The following CCSER1 variants were observed in gnomAD, a reference collection of about 807,000 sequenced individuals.
CCSER1 encodes serine-rich coiled-coil domain-containing protein 1.
CCSER1 carries 41 observed loss-of-function variants against 82.0 expected under a neutral mutation model. The ratio of observed to expected loss-of-function variants is 0.50; its 90% confidence interval spans 0.39 to 0.65. The LOEUF (loss-of-function observed/expected upper bound fraction) is 0.65, where lower values mean the gene tolerates loss of function less well. Among genes scored for constraint, CCSER1 ranks in the 30% least tolerant of loss-of-function variants. CCSER1 has a pLI of 0.00. For synonymous variants in CCSER1, 414 were observed against 383.9 expected (o/e 1.08, Z -0.92); for missense variants, 1,119 against 1,064.2 (o/e 1.05, Z -0.72).
At chr4:91,027,092 T>C (rs1361352683) in intron 9 of CCSER1, among the ~76,000 whole-genome samples, 1 of 152,070 alleles carries the variant, frequency 6.6e-6, no homozygotes, top group Admixed American at 6.6e-5. Context: ...TAACTACCCA[T>C]GTAGAACTGG....
chr4:90,370,990 A>C (rs1747297596), intron 3 of CCSER1, among the ~76,000 whole-genome samples: 1 of 152,060 alleles, frequency 6.6e-6, no homozygotes, highest in African/African-American at 2.4e-5. Flanking sequence ...AATGCAGCTC[A>C]TAAGGCTACA....
At chr4:91,438,202 C>A (rs968023739) in intron 10 of CCSER1, among the ~76,000 whole-genome samples, 1 of 152,188 alleles carries the variant, frequency 6.6e-6, no homozygotes, top group Non-Finnish European at 1.5e-5. Flanking sequence ...TGACCCCTGA[C>A]CCCTGAGCAG....
At chr4:90,956,004 G>A (rs1207126450) in intron 9 of CCSER1, among the ~76,000 whole-genome samples, 4 of 152,048 alleles carry the variant, frequency 2.6e-5, no homozygotes, top group East Asian at 3.9e-4. Flanking sequence ...ATATATCAAT[G>A]CATTTGTTTA....
intron 6 of CCSER1, among the ~76,000 whole-genome samples, chr4:90,640,904 C>T (rs1421593786): frequency 2.0e-5 from 3 of 152,100 alleles, no homozygotes; most frequent in Non-Finnish European, 4.4e-5. Context: ...CAGTCCTGGG[C>T]AGTTCTTTAT....
At chr4:90,266,592 T>G (rs1404065322) in intron 1 of CCSER1, among the ~76,000 whole-genome samples, 1 of 152,040 alleles carries the variant, frequency 6.6e-6, no homozygotes, top group East Asian at 1.9e-4. Flanking sequence ...AGTCTTGAAT[T>G]GCTGATGCCA....
chr4:90,669,584 G>T (rs1732421891), intron 6 of CCSER1, among the ~76,000 whole-genome samples: 2 of 152,022 alleles, frequency 1.3e-5, no homozygotes, highest in Non-Finnish European at 2.9e-5. Flanking sequence ...GTTATAACTT[G>T]GTAGAGGAAG....
intron 3 of CCSER1, among the ~76,000 whole-genome samples, chr4:90,320,542 A>G (rs952596975): frequency 7.2e-5 from 11 of 152,296 alleles, no homozygotes; most frequent in Non-Finnish European, 1.0e-4. Flanking sequence ...TGGCCATACA[A>G]TGAGGACAAG....
chr4:91,052,036 T>A (rs909254705), intron 9 of CCSER1, among the ~76,000 whole-genome samples: 2 of 152,056 alleles, frequency 1.3e-5, no homozygotes, highest in Non-Finnish European at 2.9e-5. Flanking sequence ...TTTTTTAAAA[T>A]TTATATGAGA....
At chr4:91,337,207 A>G (rs1389303518) in intron 10 of CCSER1, among the ~76,000 whole-genome samples, 1 of 152,178 alleles carries the variant, frequency 6.6e-6, no homozygotes. Context: ...ATTTAGAGAC[A>G]TTTAATGAGT....
At chr4:90,247,180 A>G (rs941755032) in intron 1 of CCSER1, among the ~76,000 whole-genome samples, 6 of 152,172 alleles carry the variant, frequency 3.9e-5, no homozygotes, top group African/African-American at 1.2e-4. Context: ...TTGTTTATTT[A>G]TGGAATATTC....
At chr4:91,397,954 G>C (rs1352701968) in intron 10 of CCSER1, among the ~76,000 whole-genome samples, 3 of 151,918 alleles carry the variant, frequency 2.0e-5, no homozygotes, top group Non-Finnish European at 2.9e-5. Flanking sequence ...GGCTAGAAAT[G>C]GAAGCACCTT....
intron 10 of CCSER1, among the ~76,000 whole-genome samples, chr4:91,462,984 C>T (rs559497523): frequency 1.5e-4 from 23 of 152,286 alleles, no homozygotes; most frequent in Admixed American, 7.8e-4. Context: ...TTAAATGTCC[C>T]GGTCTGACAG....
chr4:90,286,409 T>C lies in CCSER1; in HGVS notation c.-41-21835T>C, dbSNP rs148775682. On this transcript the variant is annotated intron_variant, in intron 1 of 10. Transcript: ENST00000509176. Reference sequence around the variant, plus strand: ...ATTTCACATAAGGTGACAATTTCAATAAAGCAGAAGAACAGTTTAGTTCAT... The same window carrying C: ...ATTTCACATAAGGTGACAATTTCAACAAAGCAGAAGAACAGTTTAGTTCAT... Among the ~76,000 whole-genome samples, 368 of 152,128 alleles carry C rather than the reference T, an allele frequency of 2.4e-3. 2 individuals are homozygous for C. In the East Asian group the frequency reaches 0.027, roughly 11 times the overall value.
intron 8 of CCSER1, among the ~76,000 whole-genome samples, chr4:90,886,461 T>C (rs549097262): frequency 6.6e-6 from 1 of 152,258 alleles, no homozygotes; most frequent in Non-Finnish European, 1.5e-5. Context: ...TAAACACCAT[T>C]GGGGGAGAAA....
intron 10 of CCSER1, among the ~76,000 whole-genome samples, chr4:91,337,203 A>T (rs1309772036): frequency 6.6e-6 from 1 of 152,110 alleles, no homozygotes; most frequent in Non-Finnish European, 1.5e-5. Flanking sequence ...AGAAATTTAG[A>T]GACATTTAAT....
At chr4:90,741,398 G>A (rs2149443622) in intron 7 of CCSER1, among the ~76,000 whole-genome samples, 1 of 152,238 alleles carries the variant, frequency 6.6e-6, no homozygotes, top group East Asian at 1.9e-4. Flanking sequence ...CTGAACACCT[G>A]TTGCTCTCAA....
intron 4 of CCSER1, among the ~76,000 whole-genome samples, chr4:90,417,323 AT>A (rs1488343471): frequency 6.6e-6 from 1 of 152,092 alleles, no homozygotes; most frequent in Non-Finnish European, 1.5e-5. Context: ...ATAGAAATTT[AT>A]TTGAAAAAGA....
At chr4:91,380,895 T>C (rs1239443182) in intron 10 of CCSER1, among the ~76,000 whole-genome samples, 1 of 152,242 alleles carries the variant, frequency 6.6e-6, no homozygotes, top group Non-Finnish European at 1.5e-5. Flanking sequence ...TGGTTGTTCC[T>C]TTCCATGTTT....
Position 91,092,990 on chromosome 4 carries a change from C to G in CCSER1, c.2217+6996C>G, listed in dbSNP as rs572586626. Among the ~76,000 whole-genome samples, 8 of 152,230 alleles carry G rather than the reference C, an allele frequency of 5.3e-5. No individual in the cohort carries two copies. The South Asian group carries it at 1.7e-3, about 32-fold the overall frequency. On this transcript the variant is annotated intron_variant, in intron 10 of 10. Transcript: ENST00000509176. The stretch of plus-strand genomic sequence containing the variant: ...GAATTTCTTGTTGATATTTTATGTC[C>G]TTTCCCCCGAATTTAATAGGCCTTT...
Sources: gnomAD v4.1 joint callset for allele counts (sites outside exome capture counted in the v4.1 genomes callset) on GRCh38, gnomAD v4.1.1 for gene constraint, MANE v1.5 for transcripts, NCBI Gene and HGNC (gene_info 2026-07-23, HGNC 2026-07-21) for gene names.